PPM1H: variants seen among roughly 807,000 people sequenced by gnomAD.
PPM1H encodes protein phosphatase, Mg2+/Mn2+ dependent 1H.
Under a neutral mutation model 54.9 loss-of-function variants are expected in PPM1H, and 27 were observed. The ratio of observed to expected loss-of-function variants is 0.49; its 90% CI spans 0.36 to 0.68. The LOEUF is 0.68. Among genes scored for constraint, PPM1H ranks in the 30% least tolerant of loss-of-function variants. The pLI is 0.00. For synonymous variants in PPM1H, 305 were observed against 270.8 expected, an observed-to-expected ratio of 1.13 and a Z score of -1.24; for missense variants, 596 against 667.8, an observed-to-expected ratio of 0.89 and a Z score of 1.19.
Position 62,737,605 on chromosome 12 carries a change from A to C in PPM1H, c.870-19T>G. ...TATGGCCCTGAAATGGTGAAAATGCATTGTCAGTAGCCAATCTCATAAATG... is the reference window on the plus strand; with the variant it reads ...TATGGCCCTGAAATGGTGAAAATGCCTTGTCAGTAGCCAATCTCATAAATG... On this transcript the variant is annotated intron_variant, in intron 4 of 9. Transcript: ENST00000228705. 2.0e-6 allele frequency: 3 copies of C among 1,482,612 alleles called. No homozygotes were observed. The highest frequency in any genetic ancestry group is 1.8e-6 in the Non-Finnish European group (2 of 1,084,414). 91.8% of individuals were successfully genotyped at this position (1,482,612 alleles called of 1,614,324 possible). A position where few individuals can be genotyped will look rare whatever the true frequency, so the allele number is the denominator to read the frequency against.
At chr12:62,688,428 TA>T (rs10556503) in intron 8 of PPM1H, among the ~76,000 whole-genome samples, 23,930 of 148,878 alleles carry the variant, frequency 0.16, 2,093 homozygotes, top group East Asian at 0.31. Context: ...CAAAAGTAAT[TA>T]AAAAAAAAAA....
intron 4 of PPM1H, among the ~76,000 whole-genome samples, chr12:62,772,632 G>A (rs966555194): frequency 1.3e-5 from 2 of 152,138 alleles, no homozygotes; most frequent in African/African-American, 4.8e-5. Context: ...ACAGGAGGAA[G>A]TGGTGCCAGC....
intron 4 of PPM1H, among the ~76,000 whole-genome samples, chr12:62,770,659 A>T (rs1370582729): frequency 1.3e-5 from 2 of 152,168 alleles, no homozygotes; most frequent in African/African-American, 4.8e-5. Flanking sequence ...TCAGAATCAC[A>T]AAGAACATGA....
At chr12:62,879,622 G>A (rs1870317573) in intron 1 of PPM1H, among the ~76,000 whole-genome samples, 1 of 152,088 alleles carries the variant, frequency 6.6e-6, no homozygotes, top group African/African-American at 2.4e-5. Flanking sequence ...GGGTACGGGA[G>A]GTTGGGGGAG....
At chr12:62,665,574 A>G (rs374083586) in intron 9 of PPM1H, among the ~76,000 whole-genome samples, 1 of 152,138 alleles carries the variant, frequency 6.6e-6, no homozygotes, top group South Asian at 2.1e-4. Flanking sequence ...TATTAGATCA[A>G]TTTTCTAGTT....
intron 5 of PPM1H, among the ~76,000 whole-genome samples, chr12:62,734,252 C>T (rs940656592): frequency 2.0e-5 from 3 of 152,002 alleles, no homozygotes; most frequent in Non-Finnish European, 4.4e-5. Flanking sequence ...CCAGCCTCTA[C>T]ATCTGTGAGA....
At chr12:62,908,416 A>G (rs1565826035) in intron 1 of PPM1H, among the ~76,000 whole-genome samples, 1 of 149,622 alleles carries the variant, frequency 6.7e-6, no homozygotes, top group East Asian at 1.9e-4. Context: ...TCAAAAAAAA[A>G]AAAAAAAAAG....
chr12:62,799,733 T>A (rs1337644280), intron 3 of PPM1H, among the ~76,000 whole-genome samples: 1 of 152,226 alleles, frequency 6.6e-6, no homozygotes, highest in African/African-American at 2.4e-5. Flanking sequence ...GTGCATTTTA[T>A]TTTTACATTT....
intron 1 of PPM1H, among the ~76,000 whole-genome samples, chr12:62,920,797 C>T (rs750247178): frequency 2.2e-4 from 33 of 151,970 alleles, no homozygotes; most frequent in Non-Finnish European, 4.6e-4. Context: ...TTACTGACTG[C>T]GTGTAACATA....
chr12:62,687,056 T>C (rs1233190874), intron 8 of PPM1H, among the ~76,000 whole-genome samples: 1 of 152,090 alleles, frequency 6.6e-6, no homozygotes, highest in East Asian at 1.9e-4. Context: ...TCTCCGGAAA[T>C]GTGGAATTGG....
chr12:62,879,002 T>C (rs1870293494), intron 1 of PPM1H, among the ~76,000 whole-genome samples: 1 of 152,176 alleles, frequency 6.6e-6, no homozygotes, highest in Non-Finnish European at 1.5e-5. Context: ...ATATTTTCCC[T>C]CGTTCAGAGC....
chr12:62,897,100 C>T lies in PPM1H; in HGVS notation c.245+37392G>A, dbSNP rs1018262863. Among the ~76,000 whole-genome samples, 13 of 48,456 alleles carry T rather than the reference C, an allele frequency of 2.7e-4. 1 individual carries two copies. The highest frequency in any genetic ancestry group is 1.6e-3 in the South Asian group (3 of 1,904). The allele number at this position is 48,456 out of a possible 152,430, so 31.8% of individuals were successfully genotyped here. On this transcript the variant is annotated intron_variant, in intron 1 of 9. Transcript: ENST00000228705. ...GAACATCACACACCGGGGCCTGTTG[C>T]GGGGTGGGGGGAGGGGGGAGGGATA...
intron 4 of PPM1H, among the ~76,000 whole-genome samples, chr12:62,764,845 G>A (rs2076531835): frequency 6.6e-6 from 1 of 152,220 alleles, no homozygotes; most frequent in African/African-American, 2.4e-5. Flanking sequence ...AAGGATGGAG[G>A]GAGAGAAGTT....
rs2076465943 is a variant in PPM1H, at chr12:62,755,330, C to A, written c.870-17744G>T. On this transcript the variant is annotated intron_variant, in intron 4 of 9. Coordinates refer to ENST00000228705, the MANE Select transcript of PPM1H (RefSeq NM_020700.2). The stretch of plus-strand genomic sequence containing the variant: ...GTGGATATTGTTGCCATCAATGACC[C>A]CTTCATTGACCTCAACTACATGGTC... The A allele has an allele frequency of 7.9e-6, 9 of 1,146,004 alleles. No individual in the cohort carries two copies. The South Asian group carries it at 1.1e-4, about 14-fold the overall frequency. 71.0% of individuals were successfully genotyped at this position (1,146,004 alleles called of 1,614,324 possible).
At chr12:62,720,368 A>G in intron 5 of PPM1H, 79 bp from the exon 6 acceptor site, 4 of 1,129,274 alleles carry the variant, frequency 3.5e-6, no homozygotes, top group Non-Finnish European at 5.2e-6. Context: ...GATGTTTTGC[A>G]AATTGAGACA....
Position 62,693,924 on chromosome 12 carries a change from A to G in PPM1H, c.1137+12T>C. 6.2e-7 allele frequency: 1 copy of G among 1,610,014 alleles called. No individual in the cohort carries two copies. Among genetic ancestry groups the G allele is most frequent in the Non-Finnish European group, 8.5e-7 (1 of 1,178,012 alleles). ...CCTGTCCTCTCTACCCAGGGGAAGCACACGTGCCTACCTTCTTGCCTTCTC... is the reference window on the plus strand; with the variant it reads ...CCTGTCCTCTCTACCCAGGGGAAGCGCACGTGCCTACCTTCTTGCCTTCTC... On this transcript the variant is annotated intron_variant, in intron 7 of 9. Coordinates refer to ENST00000228705, the MANE Select transcript of PPM1H (RefSeq NM_020700.2).
At chr12:62,838,645 G>A (rs1268039674) in intron 1 of PPM1H, among the ~76,000 whole-genome samples, 2 of 144,442 alleles carry the variant, frequency 1.4e-5, no homozygotes, top group African/African-American at 5.4e-5. Context: ...TCTCTGGCCG[G>A]GCGCGGTGGC....
rs144875947 is a variant in PPM1H, at chr12:62,667,317, C to T, written c.1258G>A (p.Asp420Asn). Residue 420 changes from aspartate (D) to asparagine (N), a missense_variant, in exon 9 of 10, where the codon GAT becomes AAT. By Grantham distance (23) the Asp-to-Asn change is conservative. Transcript: ENST00000228705. The stretch of plus-strand genomic sequence containing the variant: ...GATCCATGATCATATTTTGAAAGAT[C>T]GTAGATTCTTACCTGAAAAAAAACA... ...LSSAPEVRIY[D>N]LSKYDHGSDD... 1.1e-5 allele frequency: 17 copies of T among 1,595,070 alleles called. No individual in the cohort carries two copies. In the East Asian group the frequency reaches 3.1e-4, roughly 29 times the overall value.
chr12:62,846,334 T>TA (rs201014283), intron 1 of PPM1H, among the ~76,000 whole-genome samples: 431 of 151,636 alleles, frequency 2.8e-3, no homozygotes, highest in Admixed American at 4.5e-3. Flanking sequence ...CCATCGGTAC[T>TA]AAAAAAAATA....
Sources: allele counts gnomAD v4.1 joint callset (sites outside exome capture counted in the v4.1 genomes callset), GRCh38; gene constraint gnomAD v4.1.1; transcripts MANE v1.5; gene names NCBI Gene and HGNC (gene_info 2026-07-23, HGNC 2026-07-21).